The following SLC4A10 variants were observed in gnomAD, a reference collection of about 807,000 sequenced individuals.
SLC4A10 encodes the protein sodium-driven chloride bicarbonate exchanger.
SLC4A10 carries 42 observed loss-of-function variants against 137.7 expected under a neutral mutation model. The ratio of observed to expected loss-of-function variants is 0.30; its 90% CI spans 0.24 to 0.39. The LOEUF is 0.39. Among genes scored for constraint, SLC4A10 ranks in the 10% least tolerant of loss-of-function variants. The probability of loss-of-function intolerance (pLI) is 1.00; values close to 1 mark genes in which losing one functional copy is unlikely to be tolerated. For missense variants in SLC4A10, 925 were observed against 1,355.0 expected (o/e 0.68, Z 4.98); for synonymous variants, 474 against 464.1 (o/e 1.02, Z -0.27).
intron 1 of SLC4A10, among the ~76,000 whole-genome samples, chr2:161,713,466 G>A (rs2044513016): frequency 6.6e-6 from 1 of 151,610 alleles, no homozygotes; most frequent in Non-Finnish European, 1.5e-5. Flanking sequence ...GCACATGAGA[G>A]CATTTCTCAG....
chr2:161,649,257 A>G (rs2036480336), intron 1 of SLC4A10, among the ~76,000 whole-genome samples: 1 of 152,166 alleles, frequency 6.6e-6, no homozygotes, highest in South Asian at 2.1e-4. Context: ...GCTACTCGGA[A>G]AGCTGAAATG....
chr2:161,763,269 T>G (rs2050437880), intron 1 of SLC4A10, among the ~76,000 whole-genome samples: 1 of 152,110 alleles, frequency 6.6e-6, no homozygotes, highest in African/African-American at 2.4e-5. Context: ...GTTGCCATCC[T>G]AATTACATGT....
chr2:161,743,611 C>A (rs983327248), intron 1 of SLC4A10, among the ~76,000 whole-genome samples: 1 of 151,812 alleles, frequency 6.6e-6, no homozygotes, highest in African/African-American at 2.4e-5. Flanking sequence ...ACAGCTCTGA[C>A]CATTCTTGGT....
chr2:161,957,908 T>C (rs963598522), intron 20 of SLC4A10, among the ~76,000 whole-genome samples: 4 of 152,202 alleles, frequency 2.6e-5, no homozygotes, highest in Non-Finnish European at 4.4e-5. Flanking sequence ...TATTTAATGA[T>C]TTACACTAGT....
chr2:161,886,112 A>G (rs1270371029), intron 10 of SLC4A10, among the ~76,000 whole-genome samples: 8 of 152,208 alleles, frequency 5.3e-5, no homozygotes, highest in Admixed American at 2.6e-4. Context: ...ATAAATACAT[A>G]AATAACAATA....
intron 3 of SLC4A10, among the ~76,000 whole-genome samples, chr2:161,810,055 A>C (rs1178602103): frequency 6.6e-6 from 1 of 152,002 alleles, no homozygotes. Context: ...GATTTCTTTC[A>C]GCAGTGTTTT....
Position 161,624,554 on chromosome 2 carries a change from G to T in SLC4A10, c.36G>T (p.Pro12=), listed in dbSNP as rs2031864450. 2 of 1,553,354 alleles carry T rather than the reference G, an allele frequency of 1.3e-6. No individual in the cohort carries two copies. Among genetic ancestry groups the T allele is most frequent in the Admixed American group, 2.0e-5 (1 of 51,142 alleles). The change falls in exon 1 of 27, where the codon CCG becomes CCT. Residue 12 remains proline, a synonymous_variant. Coordinates refer to ENST00000446997, the MANE Select transcript of SLC4A10 (RefSeq NM_001178015.2). ...AAGACCAGGGAGCCCAAATGGAGCC[G>T]CTGCTGCCTACGGTAAGAGACAACC... ...EIKDQGAQME[P]LLPTRNDEEA... is the part of the protein sequence containing the mutation.
chr2:161,768,639 A>T (rs1379465436), intron 1 of SLC4A10, among the ~76,000 whole-genome samples: 2 of 151,938 alleles, frequency 1.3e-5, no homozygotes, highest in Admixed American at 1.3e-4. Context: ...TCTTCTACAG[A>T]TCATATAAGA....
At chr2:161,836,770 A>C (rs991633253) in intron 3 of SLC4A10, among the ~76,000 whole-genome samples, 1 of 152,176 alleles carries the variant, frequency 6.6e-6, no homozygotes, top group African/African-American at 2.4e-5. Context: ...ATTAAAAAGT[A>C]TCATAACCAA....
At chr2:161,655,865 A>G (rs1477933822) in intron 1 of SLC4A10, among the ~76,000 whole-genome samples, 2 of 148,696 alleles carry the variant, frequency 1.3e-5, no homozygotes, top group African/African-American at 5.1e-5. Flanking sequence ...CCCAGGCTGG[A>G]GTGCAGTGTA....
chr2:161,739,326 G>A (rs574686918), intron 1 of SLC4A10, among the ~76,000 whole-genome samples: 2 of 152,244 alleles, frequency 1.3e-5, no homozygotes, highest in South Asian at 2.1e-4. Flanking sequence ...AGGCATGTAA[G>A]CTAGTCTTTC....
At chr2:161,740,750 G>C (rs539205742) in intron 1 of SLC4A10, among the ~76,000 whole-genome samples, 3 of 152,014 alleles carry the variant, frequency 2.0e-5, no homozygotes, top group Non-Finnish European at 4.4e-5. Context: ...AATTAATATA[G>C]CTTAAAGGGC....
intron 2 of SLC4A10, 69 bp from the exon 3 acceptor site, chr2:161,804,380 A>G: frequency 1.3e-6 from 2 of 1,508,970 alleles, no homozygotes; most frequent in Non-Finnish European, 1.8e-6. Flanking sequence ...CTCCATTAAC[A>G]TGTAAATCAT....
chr2:161,971,556 A>G (rs982679079), intron 23 of SLC4A10, among the ~76,000 whole-genome samples: 25 of 152,214 alleles, frequency 1.6e-4, no homozygotes, highest in African/African-American at 5.8e-4. Context: ...TAAGCTGGCA[A>G]CTACTCAGTT....
intron 1 of SLC4A10, among the ~76,000 whole-genome samples, chr2:161,769,669 T>C (rs1162787447): frequency 6.6e-6 from 1 of 151,906 alleles, no homozygotes; most frequent in Non-Finnish European, 1.5e-5. Context: ...TGTCTATATG[T>C]TGTTTGACAT....
intron 17 of SLC4A10, 142 bp downstream of exon 17, chr2:161,947,869 A>G (rs774187057): frequency 2.1e-6 from 2 of 930,580 alleles, no homozygotes; most frequent in South Asian, 1.7e-5. Flanking sequence ...GGGGCTGAAG[A>G]GAAAGAATTT....
intron 23 of SLC4A10, among the ~76,000 whole-genome samples, chr2:161,968,065 C>G (rs1697916301): frequency 6.6e-6 from 1 of 151,152 alleles, no homozygotes; most frequent in South Asian, 2.1e-4. Context: ...ACATTCTTGC[C>G]TTTTAGAAGT....
intron 1 of SLC4A10, among the ~76,000 whole-genome samples, chr2:161,701,586 A>G (rs993985839): frequency 2.6e-5 from 4 of 151,980 alleles, no homozygotes; most frequent in South Asian, 2.1e-4. Context: ...GAACATTCCA[A>G]TTCTTCTCTT....
At chr2:161,792,397 C>T in intron 2 of SLC4A10, among the ~76,000 whole-genome samples, 1 of 151,882 alleles carries the variant, frequency 6.6e-6, no homozygotes, top group Non-Finnish European at 1.5e-5. Context: ...TAATATTTAC[C>T]ACATAGATTT....
Sources: gnomAD v4.1 joint callset for allele counts (sites outside exome capture counted in the v4.1 genomes callset) on GRCh38, gnomAD v4.1.1 for gene constraint, MANE v1.5 for transcripts, NCBI Gene and HGNC (gene_info 2026-07-23, HGNC 2026-07-21) for gene names.